The following ZCCHC10 variants were observed in gnomAD, a reference collection of about 807,000 sequenced individuals.
ZCCHC10 encodes the protein zinc finger CCHC-type containing 10.
Under a neutral mutation model 19.5 loss-of-function variants are expected in ZCCHC10, and 16 were observed. The observed-to-expected ratio is 0.82, with a 90% CI of 0.56 to 1.25. The LOEUF (loss-of-function observed/expected upper bound fraction) is 1.25, where lower values mean the gene tolerates loss of function less well. ZCCHC10 is among the 50% of genes most tolerant of loss of function. ZCCHC10 has a pLI of 0.00. For synonymous variants in ZCCHC10, 67 were observed against 72.5 expected (o/e 0.92, Z 0.38); for missense variants, 197 against 201.0 (o/e 0.98, Z 0.12).
chr5:133,000,474 T>C (rs1300205684), intron 3 of ZCCHC10, among the ~76,000 whole-genome samples: 1 of 152,178 alleles, frequency 6.6e-6, no homozygotes, highest in Non-Finnish European at 1.5e-5. Context: ...GAACTTAGGC[T>C]GATATAGCTG....
intron 2 of ZCCHC10, among the ~76,000 whole-genome samples, chr5:133,007,507 C>T (rs537280705): frequency 3.1e-4 from 47 of 151,170 alleles, no homozygotes; most frequent in Admixed American, 1.2e-3. Context: ...TGCACCACTG[C>T]ACTCCAGCCT....
At chr5:133,008,966 T>C (rs1412384901) in intron 2 of ZCCHC10, among the ~76,000 whole-genome samples, 1 of 151,948 alleles carries the variant, frequency 6.6e-6, no homozygotes, top group African/African-American at 2.4e-5. Flanking sequence ...TAAGCTATGA[T>C]TGCACCACTG....
chr5:133,016,109 C>CA (rs1763902607), intron 2 of ZCCHC10, among the ~76,000 whole-genome samples: 1 of 152,016 alleles, frequency 6.6e-6, no homozygotes, highest in African/African-American at 2.4e-5. Context: ...GGTACAACAA[C>CA]AAAAAAATAT....
rs1763718064 is a variant in ZCCHC10, at chr5:133,013,583, A to G, written c.108-6663T>C. Among the ~76,000 whole-genome samples, 4 of 151,982 alleles carry G rather than the reference A, an allele frequency of 2.6e-5. No homozygotes were observed. In the South Asian group the frequency reaches 8.3e-4, roughly 32 times the overall value. On this transcript the variant is annotated intron_variant, in intron 2 of 4. Transcript: ENST00000509437. Reference sequence around the variant, plus strand: ...CTAAAAATACAAAAATTAGCTGGGCATGGTGGTGCGCGCCTGTAGTCCCAC... The same window carrying G: ...CTAAAAATACAAAAATTAGCTGGGCGTGGTGGTGCGCGCCTGTAGTCCCAC...
In ZCCHC10 at chr5:132,998,667, T is replaced by C; in HGVS notation, c.495A>G (p.Ser165=). ...TTSSSSSDSD[S]DSSSSSSSST... ...TACTGCTACTGGAAGAGCTGGAATC[T>C]GAGTCTGAATCAGAGGAGGAGGAAG... The change falls in exon 5 of 5, where the codon TCA becomes TCG. Residue 165 remains serine, a synonymous_variant. Coordinates refer to ENST00000509437, the MANE Select transcript of ZCCHC10 (RefSeq NM_001300816.3). The C allele has an allele frequency of 1.2e-6, 2 of 1,614,142 alleles. No individual in the cohort carries two copies. Among genetic ancestry groups the C allele is most frequent in the South Asian group, 2.2e-5 (2 of 91,084 alleles).
chr5:133,016,633 G>C (rs1345926008), intron 2 of ZCCHC10, among the ~76,000 whole-genome samples: 1 of 152,018 alleles, frequency 6.6e-6, no homozygotes, highest in East Asian at 1.9e-4. Flanking sequence ...AGTAGAGGTG[G>C]GGTTTCACCA....
chr5:133,009,613 CAAAAAAA>C (rs59555378), intron 2 of ZCCHC10, among the ~76,000 whole-genome samples: 3 of 55,522 alleles, frequency 5.4e-5, no homozygotes, highest in Non-Finnish European at 1.1e-4. Flanking sequence ...GACTCCGTCT[CAAAAAAA>C]AAAAAAAAAA....
intron 2 of ZCCHC10, among the ~76,000 whole-genome samples, chr5:133,007,996 C>T (rs994831426): frequency 1.3e-5 from 2 of 151,774 alleles, no homozygotes; most frequent in Non-Finnish European, 2.9e-5. Flanking sequence ...GAGGCTAAGG[C>T]AGGCGGATCA....
At chr5:133,001,478 T>A (rs1366855339) in intron 3 of ZCCHC10, among the ~76,000 whole-genome samples, 2 of 152,152 alleles carry the variant, frequency 1.3e-5, no homozygotes, top group Non-Finnish European at 2.9e-5. Context: ...TTTTTTTTCT[T>A]TTTGAGATAG....
intron 1 of ZCCHC10, among the ~76,000 whole-genome samples, chr5:133,026,038 G>A (rs973343074): frequency 6.6e-6 from 1 of 152,300 alleles, no homozygotes; most frequent in African/African-American, 2.4e-5. Context: ...AAAGCAATCG[G>A]CATTGAAGGC....
intron 2 of ZCCHC10, among the ~76,000 whole-genome samples, chr5:133,021,455 G>A (rs578108995): frequency 1.4e-4 from 22 of 152,122 alleles, no homozygotes; most frequent in Non-Finnish European, 2.4e-4. Flanking sequence ...TAAATAAATG[G>A]CGAGATATAC....
At chr5:133,003,430 T>C in intron 3 of ZCCHC10, 1 of 227,384 alleles carries the variant, frequency 4.4e-6, no homozygotes, top group South Asian at 5.6e-5. Flanking sequence ...CGCACAATTT[T>C]CCACTTAACA....
intron 2 of ZCCHC10, among the ~76,000 whole-genome samples, chr5:133,008,072 A>G (rs1344512374): frequency 1.3e-5 from 2 of 151,330 alleles, no homozygotes; most frequent in Non-Finnish European, 2.9e-5. Context: ...AAAAATATAA[A>G]AAATTAGCCG....
intron 2 of ZCCHC10, among the ~76,000 whole-genome samples, chr5:133,022,372 G>A (rs983909181): frequency 1.8e-4 from 27 of 151,800 alleles, no homozygotes; most frequent in Non-Finnish European, 3.8e-4. Context: ...GACAACCATA[G>A]AATTAATATA....
chr5:133,021,925 C>T (rs1043476896), intron 2 of ZCCHC10, among the ~76,000 whole-genome samples: 7 of 151,744 alleles, frequency 4.6e-5, no homozygotes, highest in South Asian at 2.1e-4. Flanking sequence ...TCCCAAGTAG[C>T]TGGAATTACA....
chr5:133,002,958 G>A (rs910905186), intron 3 of ZCCHC10, among the ~76,000 whole-genome samples: 1 of 152,090 alleles, frequency 6.6e-6, no homozygotes, highest in South Asian at 2.1e-4. Context: ...GACCTCAGGC[G>A]ATCCACCCAC....
chr5:133,014,157 T>C (rs1425742435), intron 2 of ZCCHC10, among the ~76,000 whole-genome samples: 16 of 72,516 alleles, frequency 2.2e-4, no homozygotes, highest in Non-Finnish European at 2.7e-5. Flanking sequence ...ATTTACTCTT[T>C]TTTTTTTTTT....
intron 3 of ZCCHC10, among the ~76,000 whole-genome samples, chr5:133,000,890 C>G: frequency 6.6e-6 from 1 of 151,782 alleles, no homozygotes; most frequent in Non-Finnish European, 1.5e-5. Flanking sequence ...ATCCGCCCAC[C>G]TTGGCCTCCC....
Position 132,998,933 on chromosome 5 carries a change from C to A in ZCCHC10, c.312-83G>T, listed in dbSNP as rs1283604615. On this transcript the variant is annotated intron_variant, in intron 4 of 4. Coordinates refer to ENST00000509437, the MANE Select transcript of ZCCHC10 (RefSeq NM_001300816.3). ...AGCAATTTCATTTTTTTTTTCTTTT[C>A]GAGACAGAGTCTTGCTCTGTTGCCC... is the stretch of plus-strand genomic sequence containing the variant. 2.6e-6 allele frequency: 4 copies of A among 1,527,622 alleles called. No individual in the cohort carries two copies. The East Asian group carries it at 9.1e-5, about 35-fold the overall frequency. The allele number at this position is 1,527,622 out of a possible 1,614,324, so 94.6% of individuals were successfully genotyped here. A position where few individuals can be genotyped will look rare whatever the true frequency, so the allele number is the denominator to read the frequency against.
Sources: allele counts gnomAD v4.1 joint callset (sites outside exome capture counted in the v4.1 genomes callset), GRCh38; gene constraint gnomAD v4.1.1; transcripts MANE v1.5; gene names NCBI Gene and HGNC (gene_info 2026-07-23, HGNC 2026-07-21).